Variants in RALYL observed in about 807,000 individuals in gnomAD.
RALYL encodes the protein RNA-binding Raly-like protein.
Under a neutral mutation model 35.1 loss-of-function variants are expected in RALYL, and 29 were observed. The observed-to-expected ratio is 0.83, with a 90% CI of 0.61 to 1.13. The LOEUF (loss-of-function observed/expected upper bound fraction) is 1.13, where lower values mean the gene tolerates loss of function less well. Among genes scored for constraint, RALYL ranks in the 50% most tolerant of loss-of-function variants. RALYL has a pLI of 0.00. For synonymous variants in RALYL, 120 were observed against 127.6 expected (o/e 0.94, Z 0.40); for missense variants, 359 against 360.4 (o/e 1.00, Z 0.03).
chr8:84,555,451 G>A (rs1008529429), intron 2 of RALYL, among the ~76,000 whole-genome samples: 1 of 152,100 alleles, frequency 6.6e-6, no homozygotes, highest in African/African-American at 2.4e-5. Context: ...CTACATAAAT[G>A]TTCATTCTTG....
At chr8:84,836,416 A>G (rs1056185762) in intron 4 of RALYL, among the ~76,000 whole-genome samples, 1 of 152,188 alleles carries the variant, frequency 6.6e-6, no homozygotes, top group Non-Finnish European at 1.5e-5. Context: ...CTGTGAAGAT[A>G]TCATAATTAT....
At chr8:84,229,422 G>A (rs1436078982) in intron 1 of RALYL, among the ~76,000 whole-genome samples, 1 of 152,144 alleles carries the variant, frequency 6.6e-6, no homozygotes, top group Non-Finnish European at 1.5e-5. Flanking sequence ...AATGCCCAGA[G>A]GGTAATACAT....
rs1414393505 is a variant in RALYL, at chr8:84,521,982, C to T, written c.-23-7317C>T. Among the ~76,000 whole-genome samples, 8 of 152,058 alleles carry T rather than the reference C, an allele frequency of 5.3e-5. No individual in the cohort carries two copies. In the East Asian group the frequency reaches 1.4e-3, roughly 26 times the overall value. ...TGCTCTAACAAAAATTAATGCATTC[C>T]CATTATTCTACAGTAATTTCATTTT... On this transcript the variant is annotated intron_variant, in intron 1 of 8. Coordinates refer to ENST00000521268, the MANE Select transcript of RALYL (RefSeq NM_173848.7).
intron 2 of RALYL, among the ~76,000 whole-genome samples, chr8:84,687,029 T>C (rs1836948142): frequency 6.6e-6 from 1 of 152,172 alleles, no homozygotes; most frequent in African/African-American, 2.4e-5. Flanking sequence ...ATAACAAAAA[T>C]GGCAACTTCA....
At chr8:84,718,239 A>G (rs1007708039) in intron 2 of RALYL, among the ~76,000 whole-genome samples, 1 of 152,200 alleles carries the variant, frequency 6.6e-6, no homozygotes, top group Non-Finnish European at 1.5e-5. Flanking sequence ...TCCCAATTGA[A>G]ATAAACATAA....
At chr8:84,378,002 C>T (rs1012456460) in intron 1 of RALYL, among the ~76,000 whole-genome samples, 2 of 151,868 alleles carry the variant, frequency 1.3e-5, no homozygotes, top group African/African-American at 2.4e-5. Context: ...TACTGGCTAG[C>T]GCTCTTGAAG....
intron 2 of RALYL, among the ~76,000 whole-genome samples, chr8:84,657,923 C>T (rs1489294021): frequency 1.3e-5 from 2 of 152,060 alleles, no homozygotes; most frequent in African/African-American, 4.8e-5. Flanking sequence ...CTATGAGAAA[C>T]AAAAATGAAA....
intron 1 of RALYL, chr8:84,184,763 G>A (rs1812057675): frequency 9.0e-6 from 4 of 443,518 alleles, no homozygotes; most frequent in Admixed American, 7.8e-5. Flanking sequence ...GGCCCTGTAA[G>A]TTCTCCGAGG....
chr8:84,907,992 C>A (rs1478049323), intron 8 of RALYL, among the ~76,000 whole-genome samples: 1 of 152,070 alleles, frequency 6.6e-6, no homozygotes, highest in Non-Finnish European at 1.5e-5. Flanking sequence ...AAGACTGACA[C>A]AAACATAAAC....
At chr8:84,554,997 T>C (rs528001176) in intron 2 of RALYL, among the ~76,000 whole-genome samples, 1 of 152,226 alleles carries the variant, frequency 6.6e-6, no homozygotes, top group East Asian at 1.9e-4. Context: ...ATAAAATATG[T>C]TGGCCTGGCA....
At chr8:84,314,380 T>C (rs1843362998) in intron 1 of RALYL, among the ~76,000 whole-genome samples, 1 of 151,362 alleles carries the variant, frequency 6.6e-6, no homozygotes, top group Non-Finnish European at 1.5e-5. Flanking sequence ...ATTGAGCAAA[T>C]AAAAAGAAGA....
intron 1 of RALYL, among the ~76,000 whole-genome samples, chr8:84,443,697 T>C (rs1190624095): frequency 6.6e-6 from 1 of 152,068 alleles, no homozygotes; most frequent in Non-Finnish European, 1.5e-5. Context: ...TCTATGTAGG[T>C]TTCTTAAATT....
At chr8:84,666,338 G>A (rs138941713) in intron 2 of RALYL, among the ~76,000 whole-genome samples, 8 of 152,032 alleles carry the variant, frequency 5.3e-5, no homozygotes, top group Admixed American at 2.0e-4. Context: ...ATATACATAC[G>A]AAAATGAGTA....
At chr8:84,205,636 G>C (rs551063779) in intron 1 of RALYL, among the ~76,000 whole-genome samples, 4 of 152,252 alleles carry the variant, frequency 2.6e-5, no homozygotes, top group African/African-American at 9.6e-5. Flanking sequence ...ATTAGCACTA[G>C]TTATCAATAA....
At chr8:84,718,304 A>G (rs1220602956) in intron 2 of RALYL, among the ~76,000 whole-genome samples, 2 of 152,188 alleles carry the variant, frequency 1.3e-5, no homozygotes, top group African/African-American at 2.4e-5. Flanking sequence ...GTTGTTAAGT[A>G]TGTGTTATCA....
intron 2 of RALYL, among the ~76,000 whole-genome samples, chr8:84,557,735 T>C (rs1175142090): frequency 1.3e-5 from 2 of 151,936 alleles, no homozygotes; most frequent in Non-Finnish European, 2.9e-5. Context: ...CTATTTACTA[T>C]AGAAAATTGT....
intron 3 of RALYL, among the ~76,000 whole-genome samples, chr8:84,789,394 CACTT>C (rs1820282823): frequency 6.6e-6 from 1 of 152,140 alleles, no homozygotes; most frequent in Non-Finnish European, 1.5e-5. Context: ...GTGGCAAAGA[CACTT>C]ATGATACTGT....
At chr8:84,485,789 C>T (rs2054548120) in intron 1 of RALYL, among the ~76,000 whole-genome samples, 1 of 152,060 alleles carries the variant, frequency 6.6e-6, no homozygotes, top group Admixed American at 6.6e-5. Context: ...TATGAAGCCT[C>T]TTCTCACGAC....
At chr8:84,800,191 C>G (rs1259985369) in intron 3 of RALYL, among the ~76,000 whole-genome samples, 1 of 152,128 alleles carries the variant, frequency 6.6e-6, no homozygotes, top group Non-Finnish European at 1.5e-5. Context: ...TACCTTGAGG[C>G]ACATGTAAAC....
Sources: allele counts gnomAD v4.1 joint callset (sites outside exome capture counted in the v4.1 genomes callset), GRCh38; gene constraint gnomAD v4.1.1; transcripts MANE v1.5; gene names NCBI Gene and HGNC (gene_info 2026-07-23, HGNC 2026-07-21).